Variants in DLK1 observed in about 807,000 individuals in gnomAD.
DLK1 encodes delta like non-canonical Notch ligand 1.
A neutral mutation model predicts 35.2 loss-of-function variants in DLK1; 9 were observed. That is an observed-to-expected ratio of 0.26 (90% CI 0.15 to 0.45). DLK1 has a LOEUF of 0.45. DLK1 is among the 20% of genes least tolerant of loss of function. DLK1 has a pLI of 1.00. For synonymous variants in DLK1, 231 were observed against 228.4 expected (o/e 1.01, Z -0.10); for missense variants, 522 against 528.5 (o/e 0.99, Z 0.12).
chr14:100,734,901 C>A lies in DLK1; in HGVS notation c.*5C>A. The A allele has an allele frequency of 6.4e-7, 1 of 1,566,484 alleles. No homozygotes were observed. The highest frequency in any genetic ancestry group is 8.6e-7 in the Non-Finnish European group (1 of 1,160,080). ...GCCGGCGACGAGGAGATCTAAGCAG[C>A]GTTCCCACAGCCCCCTCTAGATTCT... On this transcript the variant is annotated 3_prime_UTR_variant, in exon 5 of 5. Transcript: ENST00000341267. The surrounding 1 kb of genome is among the most constrained non-coding windows in gnomAD (Gnocchi z 7.4).
At chr14:100,729,144 C>T (rs1490936824) in intron 3 of DLK1, 78 bp downstream of exon 3, 9 of 1,601,014 alleles carry the variant, frequency 5.6e-6, no homozygotes, top group African/African-American at 1.3e-5. Flanking sequence ...CTCCCAGTCT[C>T]CTGTTGCTGG....
intron 1 of DLK1, 60 bp downstream of exon 1, chr14:100,727,195 G>T: frequency 6.8e-7 from 1 of 1,470,574 alleles, no homozygotes; most frequent in East Asian, 2.6e-5. Flanking sequence ...CTCCCCGCCG[G>T]CCGCCCGGTG....
intron 3 of DLK1, among the ~76,000 whole-genome samples, chr14:100,730,900 G>T (rs1032091138): frequency 6.6e-6 from 1 of 152,180 alleles, no homozygotes; most frequent in East Asian, 1.9e-4. Flanking sequence ...CTCCACGAGG[G>T]TGTGGGTCTC....
Position 100,734,010 on chromosome 14 carries a change from C to A in DLK1, c.405-139C>A. 8.8e-7 allele frequency: 1 copy of A among 1,136,386 alleles called. No homozygotes were observed. The highest frequency in any genetic ancestry group is 1.2e-6 in the Non-Finnish European group (1 of 857,284). 70.4% of individuals were successfully genotyped at this position (1,136,386 alleles called of 1,614,324 possible). A position where few individuals can be genotyped will look rare whatever the true frequency, so the allele number is the denominator to read the frequency against. ...CCTCCCTGGCTGGCGTTCCCTCCCTCGCTCCCTCATTCACCTGATGTGTTT... is the reference window on the plus strand; with the variant it reads ...CCTCCCTGGCTGGCGTTCCCTCCCTAGCTCCCTCATTCACCTGATGTGTTT... On this transcript the variant is annotated intron_variant, in intron 4 of 4. Transcript: ENST00000341267. The surrounding 1 kb of genome is among the most constrained non-coding windows in gnomAD (Gnocchi z 7.4).
chr14:100,734,523 G>A lies in DLK1; in HGVS notation c.779G>A (p.Ser260Asn), dbSNP rs1058009. The change falls in exon 5 of 5, where the codon AGC (serine) becomes AAC (asparagine). Residue 260 changes from serine to asparagine, a missense_variant. Transcript: ENST00000341267. This position sits in a 1 kb window ranked among gnomAD's most constrained non-coding sequence, Gnocchi z 7.4. ...LSPQQVTRLP[S>N]GYGLAYRLTP... is the part of the protein sequence containing the mutation. Reference sequence around the variant, plus strand: ...CCCCAGCAGGTCACCCGTCTGCCCAGCGGCTATGGGCTGGCCTACCGCCTG... The same window carrying A: ...CCCCAGCAGGTCACCCGTCTGCCCAACGGCTATGGGCTGGCCTACCGCCTG... 106,602 of 1,611,662 alleles carry A rather than the reference G, an allele frequency of 0.066. 4,110 individuals are homozygous for A. The highest frequency in any genetic ancestry group is 0.13 in the South Asian group (11,758 of 90,952).
Position 100,735,455 on chromosome 14 carries a change from G to A in DLK1, c.*559G>A, listed in dbSNP as rs190340104. The A allele has an allele frequency of 2.0e-5, 3 of 152,268 alleles. No homozygotes were observed. 9.4% of individuals were successfully genotyped at this position (152,268 alleles called of 1,614,324 possible). On this transcript the variant is annotated 3_prime_UTR_variant, in exon 5 of 5. Transcript: ENST00000341267. Reference sequence around the variant, plus strand: ...GTGTGTCAGTCAGAGAGAGCCCCAGGTTGGCTGCTGGGGGGCCGGGCCTCT... The same window carrying A: ...GTGTGTCAGTCAGAGAGAGCCCCAGATTGGCTGCTGGGGGGCCGGGCCTCT...
intron 3 of DLK1, among the ~76,000 whole-genome samples, chr14:100,730,913 T>C (rs1373625402): frequency 6.6e-6 from 1 of 152,142 alleles, no homozygotes; most frequent in Non-Finnish European, 1.5e-5. Context: ...TGGGTCTCTC[T>C]GAGAGGGGGA....
intron 2 of DLK1, 69 bp downstream of exon 2, chr14:100,728,528 G>A: frequency 6.4e-7 from 1 of 1,550,588 alleles, no homozygotes; most frequent in Non-Finnish European, 8.8e-7. Flanking sequence ...GTGAAGTCAG[G>A]CAGAAAAAAA....
At position 100,737,358 on chromosome 14, in the gene DLK1, G is replaced by A. The variant is rs2036585566; in HGVS notation, c.*2462G>A. 6.6e-6 allele frequency: 1 copy of A among 152,032 alleles called. No individual in the cohort carries two copies. Among genetic ancestry groups the A allele is most frequent in the Non-Finnish European group, 1.5e-5 (1 of 67,986 alleles). The allele number at this position is 152,032 out of a possible 1,614,324, so 9.4% of individuals were successfully genotyped here. On this transcript the variant is annotated 3_prime_UTR_variant, in exon 5 of 5. Coordinates refer to ENST00000341267, the MANE Select transcript of DLK1 (RefSeq NM_003836.7). ...GGTACCCTGCCTGGCCTCTCTCAGC[G>A]TGAGACCTGGACTGAGCCTGCTAAC...
chr14:100,733,098 G>A lies in DLK1; in HGVS notation c.404+915G>A, dbSNP rs192311185. On this transcript the variant is annotated intron_variant, in intron 4 of 4. Coordinates refer to ENST00000341267, the MANE Select transcript of DLK1 (RefSeq NM_003836.7). ...GGCTTCCAAAGATCAGTCTTCAGACGGGGTCAGAGTGGGGGCTGGTGAAGA... is the reference window on the plus strand; with the variant it reads ...GGCTTCCAAAGATCAGTCTTCAGACAGGGTCAGAGTGGGGGCTGGTGAAGA... 3.9e-5 allele frequency among the ~76,000 whole-genome samples: 6 copies of A among 152,364 alleles called. No homozygotes were observed. The East Asian group carries it at 9.6e-4, about 24-fold the overall frequency.
intron 3 of DLK1, among the ~76,000 whole-genome samples, chr14:100,729,471 G>C (rs1000401758): frequency 6.6e-6 from 1 of 151,740 alleles, no homozygotes; most frequent in Non-Finnish European, 1.5e-5. Flanking sequence ...AAAAGCACAC[G>C]CAAGACTGTA....
chr14:100,728,579 G>A (rs1299929831), intron 2 of DLK1, 120 bp downstream of exon 2: 3 of 688,316 alleles, frequency 4.4e-6, no homozygotes, highest in African/African-American at 4.0e-5. Flanking sequence ...CAGCTTCCGG[G>A]CCCCTGCAGA....
intron 1 of DLK1, among the ~76,000 whole-genome samples, 167 bp from the exon 2 acceptor site, chr14:100,728,229 G>A (rs1352407351): frequency 6.6e-6 from 1 of 152,132 alleles, no homozygotes; most frequent in East Asian, 1.9e-4. Flanking sequence ...AGTGCACTGA[G>A]CCCCATCCAT....
Position 100,728,379 on chromosome 14 carries a change from C to A in DLK1, c.68-17C>A. 2.5e-6 allele frequency: 4 copies of A among 1,613,284 alleles called. No individual in the cohort carries two copies. The East Asian group carries it at 8.9e-5, about 36-fold the overall frequency. ...GGGCCTGGTGGGGTGAATTGTATAACCTTTCTTGTACCTCAGGGGCTGAAT... is the reference window on the plus strand; with the variant it reads ...GGGCCTGGTGGGGTGAATTGTATAAACTTTCTTGTACCTCAGGGGCTGAAT... On this transcript the variant is annotated splice_polypyrimidine_tract_variant and intron_variant, in intron 1 of 4. Transcript: ENST00000341267.
chr14:100,728,832 G>A, intron 2 of DLK1, 104 bp from the exon 3 acceptor site: 7 of 1,458,310 alleles, frequency 4.8e-6, no homozygotes, highest in African/African-American at 1.4e-5. Flanking sequence ...CTGCCACTGT[G>A]CAAAGACCCC....
In DLK1 at chr14:100,733,329, G is replaced by A. The variant is rs372754613; in HGVS notation, c.405-820G>A. Among the ~76,000 whole-genome samples the A allele has an allele frequency of 5.9e-5, 9 of 152,228 alleles. No homozygotes were observed. The East Asian group carries it at 9.6e-4, about 16-fold the overall frequency. On this transcript the variant is annotated intron_variant, in intron 4 of 4. Transcript: ENST00000341267. ...TTGTGTTTACTGCCCCTTCTTCCCC[G>A]GAGTTTTGCCATTTATCGGATGACA...
chr14:100,727,596 T>C (rs1233993024), intron 1 of DLK1, among the ~76,000 whole-genome samples: 1 of 152,234 alleles, frequency 6.6e-6, no homozygotes, highest in East Asian at 1.9e-4. Context: ...GGCGCGTTTC[T>C]GTAGGTGAGG....
intron 2 of DLK1, 183 bp from the exon 3 acceptor site, chr14:100,728,753 C>T (rs2036470554): frequency 2.2e-6 from 2 of 912,396 alleles, no homozygotes; most frequent in African/African-American, 1.7e-5. Context: ...TCGGCCCCCT[C>T]AGCTTGGCAT....
At chr14:100,730,691 T>C (rs2036496829) in intron 3 of DLK1, among the ~76,000 whole-genome samples, 1 of 152,194 alleles carries the variant, frequency 6.6e-6, no homozygotes, top group East Asian at 1.9e-4. Context: ...TTTAAGATTC[T>C]GAGTGACAGG....
Sources: allele counts gnomAD v4.1 joint callset (sites outside exome capture counted in the v4.1 genomes callset), GRCh38; gene constraint gnomAD v4.1.1; non-coding constraint Gnocchi (gnomAD v3.1); transcripts MANE v1.5; gene names NCBI Gene and HGNC (gene_info 2026-07-23, HGNC 2026-07-21).